FER1L6: variants seen among roughly 807,000 people sequenced by gnomAD.
FER1L6 encodes the protein fer-1 like family member 6, also known as fer-1-like protein 6.
A neutral mutation model predicts 219.2 loss-of-function variants in FER1L6; 177 were observed. The ratio of observed to expected loss-of-function variants is 0.81; its 90% CI spans 0.71 to 0.91. The LOEUF (loss-of-function observed/expected upper bound fraction) is 0.91, where lower values mean the gene tolerates loss of function less well. Among genes scored for constraint, FER1L6 ranks in the 40% least tolerant of loss-of-function variants. FER1L6 has a pLI of 0.00. For synonymous variants in FER1L6, 768 were observed against 824.3 expected, an observed-to-expected ratio of 0.93 and a Z score of 1.17; for missense variants, 2,153 against 2,259.9, an observed-to-expected ratio of 0.95 and a Z score of 0.96.
chr8:123,925,733 A>T (rs1249732662), intron 1 of FER1L6: 11 of 152,064 alleles, frequency 7.2e-5, no homozygotes, highest in Admixed American at 7.2e-4. Context: ...TTCCTTGGAG[A>T]CCATTGCCGT....
chr8:124,086,052 C>A (rs138147665), intron 33 of FER1L6, among the ~76,000 whole-genome samples: 145 of 152,130 alleles, frequency 9.5e-4, no homozygotes, highest in African/African-American at 3.3e-3. Context: ...ATTCCATTTG[C>A]ATGTTAGATC....
chr8:123,998,500 G>A (rs1039096189), intron 12 of FER1L6, among the ~76,000 whole-genome samples: 1 of 151,190 alleles, frequency 6.6e-6, no homozygotes, highest in African/African-American at 2.4e-5. Flanking sequence ...ACTGGGCTGG[G>A]TCAGACCCAA....
At chr8:123,931,294 C>T (rs897599040) in intron 1 of FER1L6, among the ~76,000 whole-genome samples, 3 of 152,192 alleles carry the variant, frequency 2.0e-5, no homozygotes, top group Non-Finnish European at 2.9e-5. Flanking sequence ...GAGCTTCTTC[C>T]ACGGAGACTG....
chr8:123,929,612 C>T (rs1362082240), intron 1 of FER1L6, among the ~76,000 whole-genome samples: 1 of 152,022 alleles, frequency 6.6e-6, no homozygotes, highest in African/African-American at 2.4e-5. Flanking sequence ...TGTTGCCCTC[C>T]AATTCTACTA....
chr8:123,866,716 C>T (rs920585523), intron 1 of FER1L6, among the ~76,000 whole-genome samples: 27 of 152,252 alleles, frequency 1.8e-4, no homozygotes, highest in African/African-American at 6.5e-4. Context: ...CTCTTGAGCT[C>T]AAGCGATCCT....
intron 13 of FER1L6, among the ~76,000 whole-genome samples, chr8:124,008,736 A>T (rs1409802976): frequency 2.0e-5 from 3 of 152,238 alleles, no homozygotes; most frequent in Non-Finnish European, 2.9e-5. Flanking sequence ...TATACATCTG[A>T]CAAAGAATTA....
chr8:123,891,949 A>G (rs1048000950), intron 1 of FER1L6, among the ~76,000 whole-genome samples: 61 of 152,228 alleles, frequency 4.0e-4, no homozygotes, highest in African/African-American at 1.5e-3. Context: ...TAAATTAATT[A>G]TAATTAATTA....
chr8:124,082,224 C>G, intron 32 of FER1L6, 64 bp from the exon 33 acceptor site: 1 of 1,362,412 alleles, frequency 7.3e-7, no homozygotes. Context: ...AAAAGTGAAG[C>G]TGGGAATGGT....
At chr8:124,112,978 T>C (rs1421655930) in intron 39 of FER1L6, among the ~76,000 whole-genome samples, 2 of 152,148 alleles carry the variant, frequency 1.3e-5, no homozygotes, top group East Asian at 3.8e-4. Context: ...TTGCTAATGG[T>C]TTGGTTATTC....
intron 12 of FER1L6, 33 bp from the exon 13 acceptor site, chr8:124,003,134 C>T (rs780188565): frequency 8.1e-6 from 13 of 1,595,960 alleles, no homozygotes; most frequent in Admixed American, 1.7e-5. Flanking sequence ...TTACCACCAC[C>T]TGACCCCTTT....
At chr8:124,116,117 G>A (rs1823233766) in intron 39 of FER1L6, among the ~76,000 whole-genome samples, 1 of 152,204 alleles carries the variant, frequency 6.6e-6, no homozygotes, top group Admixed American at 6.5e-5. Flanking sequence ...AAGTAGCAGA[G>A]GAATGGAGTT....
chr8:123,951,660 C>T (rs1814775292), intron 1 of FER1L6, among the ~76,000 whole-genome samples: 1 of 152,138 alleles, frequency 6.6e-6, no homozygotes, highest in Non-Finnish European at 1.5e-5. Flanking sequence ...TAAGCTAGAC[C>T]TCATTACATA....
chr8:123,894,374 CT>C (rs536324502), intron 1 of FER1L6, among the ~76,000 whole-genome samples: 13 of 152,146 alleles, frequency 8.5e-5, no homozygotes, highest in Admixed American at 2.6e-4. Flanking sequence ...GCTGCAGCAC[CT>C]GATTAAAGCC....
rs1313695589 is a variant in FER1L6 at position 124,061,876 on chromosome 8, C to T, written c.3172C>T (p.His1058Tyr). ...EVELPENELLHPPLSICVVDW... is the reference protein window; with the variant it reads ...EVELPENELLYPPLSICVVDW... ...GGAACTGCCTGAGAACGAGCTTCTG[C>T]ACCCGCCACTGAGCATCTGCGTGGT... Residue 1058 changes from histidine (H) to tyrosine (Y), a missense_variant, in exon 25 of 41, where the codon CAC becomes TAC. His to Tyr is a moderately conservative substitution (Grantham distance 83). Transcript: ENST00000522917. 1 of 1,613,754 alleles carries T rather than the reference C, an allele frequency of 6.2e-7. No individual in the cohort carries two copies. The highest frequency in any genetic ancestry group is 8.5e-7 in the Non-Finnish European group (1 of 1,179,990).
Position 123,977,449 on chromosome 8 carries a change from T to A in FER1L6, c.903T>A (p.Asp301Glu). 1 of 1,614,116 alleles carries A rather than the reference T, an allele frequency of 6.2e-7. No individual in the cohort carries two copies. The highest frequency in any genetic ancestry group is 2.2e-5 in the East Asian group (1 of 44,870). The change falls in exon 10 of 41, where the codon GAT (aspartate) becomes GAA (glutamate). Residue 301 changes from aspartate to glutamate, a missense_variant. Transcript: ENST00000522917. Reference protein sequence around the residue: ...GRTTVQKNCADPVWHEQVIFK... With the variant: ...GRTTVQKNCAEPVWHEQVIFK... ...CCACAGTGCAGAAGAACTGTGCTGA[T>A]CCTGTGTGGCATGAACAGGTGATCT... is the stretch of plus-strand genomic sequence containing the variant.
At position 124,021,619 on chromosome 8, in the gene FER1L6, A is replaced by G; in HGVS notation, c.2083A>G (p.Ile695Val). 1.2e-6 allele frequency: 2 copies of G among 1,614,206 alleles called. No homozygotes were observed. Among genetic ancestry groups the G allele is most frequent in the Non-Finnish European group, 1.7e-6 (2 of 1,180,020 alleles). Residue 695 changes from isoleucine (I) to valine (V), a missense_variant, in exon 17 of 41, where the codon ATT becomes GTT. Coordinates refer to ENST00000522917, the MANE Select transcript of FER1L6 (RefSeq NM_001039112.2). ...GAAAAAGTTATCTGTTGATGAAATG[A>G]TTCACGAAGCCCAAAACTTTGTGGA... The part of the protein sequence containing the change: ...QKKKLSVDEM[I>V]HEAQNFVEKI...
chr8:124,085,939 T>G (rs1237189833), intron 33 of FER1L6, among the ~76,000 whole-genome samples: 1 of 152,218 alleles, frequency 6.6e-6, no homozygotes, highest in East Asian at 1.9e-4. Flanking sequence ...TGTTGCTGAA[T>G]TGACCCCTTT....
intron 12 of FER1L6, among the ~76,000 whole-genome samples, chr8:123,995,684 TG>T (rs1420884683): frequency 3.3e-5 from 5 of 152,158 alleles, no homozygotes; most frequent in African/African-American, 1.2e-4. Flanking sequence ...TGCTCTGCTC[TG>T]TATTTCTTTC....
intron 27 of FER1L6, 69 bp downstream of exon 27, chr8:124,066,619 A>G: frequency 6.4e-7 from 1 of 1,554,210 alleles, no homozygotes; most frequent in Non-Finnish European, 8.7e-7. Flanking sequence ...TCCTACCCTA[A>G]GTCCTACATA....
Sources: gnomAD v4.1 joint callset for allele counts (sites outside exome capture counted in the v4.1 genomes callset) on GRCh38, gnomAD v4.1.1 for gene constraint, MANE v1.5 for transcripts, NCBI Gene and HGNC (gene_info 2026-07-23, HGNC 2026-07-21) for gene names.